The following CEP112 variants were observed in gnomAD, a reference collection of about 807,000 sequenced individuals.
CEP112 encodes centrosomal protein 112, also known as centrosomal protein of 112 kDa.
A neutral mutation model predicts 153.0 loss-of-function variants in CEP112; 127 were observed. The observed-to-expected ratio is 0.83, with a 90% CI of 0.72 to 0.96. The LOEUF is 0.96. Ranked by LOEUF, CEP112 falls within the 40% of genes least tolerant of loss-of-function variation. The pLI is 0.00. For synonymous variants in CEP112, 358 were observed against 374.4 expected, an observed-to-expected ratio of 0.96 and a Z score of 0.51; for missense variants, 1,089 against 1,101.2, an observed-to-expected ratio of 0.99 and a Z score of 0.16.
At chr17:65,797,660 T>C (rs1315656622) in intron 21 of CEP112, among the ~76,000 whole-genome samples, 2 of 152,226 alleles carry the variant, frequency 1.3e-5, no homozygotes, top group African/African-American at 2.4e-5. Context: ...AGTAGCTTCA[T>C]ACCACACACC....
At chr17:66,016,347 C>G (rs1212135328) in intron 16 of CEP112, among the ~76,000 whole-genome samples, 1 of 152,134 alleles carries the variant, frequency 6.6e-6, no homozygotes. Flanking sequence ...ATATTCAGAA[C>G]ACCATTCAGT....
chr17:65,655,673 T>C (rs1788865209), intron 24 of CEP112, among the ~76,000 whole-genome samples: 1 of 152,176 alleles, frequency 6.6e-6, no homozygotes, highest in Admixed American at 6.5e-5. Flanking sequence ...ATTTTAGTTA[T>C]GTAAAAGACT....
chr17:66,083,276 C>A (rs568061407), intron 8 of CEP112, among the ~76,000 whole-genome samples: 2 of 152,148 alleles, frequency 1.3e-5, no homozygotes, highest in Non-Finnish European at 2.9e-5. Context: ...CTCTTGCCTG[C>A]CACCATGTAA....
intron 25 of CEP112, among the ~76,000 whole-genome samples, chr17:65,640,728 A>G (rs892202901): frequency 2.6e-5 from 4 of 152,272 alleles, no homozygotes; most frequent in African/African-American, 7.2e-5. Flanking sequence ...AATTGAAGTT[A>G]TAACTGACTG....
intron 20 of CEP112, among the ~76,000 whole-genome samples, chr17:65,887,660 A>G (rs571875988): frequency 2.6e-5 from 4 of 152,286 alleles, no homozygotes; most frequent in African/African-American, 7.2e-5. Context: ...GGAGAGAGAT[A>G]ATATTCTCAC....
intron 26 of CEP112, among the ~76,000 whole-genome samples, chr17:65,636,433 T>C (rs1189293203): frequency 6.6e-6 from 1 of 152,122 alleles, no homozygotes; most frequent in Non-Finnish European, 1.5e-5. Context: ...GGAAAGGACT[T>C]TGAAGATGTG....
chr17:65,678,112 C>A (rs1267950569), intron 24 of CEP112, among the ~76,000 whole-genome samples: 2 of 152,128 alleles, frequency 1.3e-5, no homozygotes, highest in African/African-American at 4.8e-5. Flanking sequence ...AATCAGTAGT[C>A]ATCAAACATT....
chr17:65,708,423 A>G (rs76209543), intron 23 of CEP112, among the ~76,000 whole-genome samples: 2,900 of 152,330 alleles, frequency 0.019, 101 homozygotes, highest in African/African-American at 0.064. Context: ...AAGCATTAAG[A>G]GGGAAAAAGA....
intron 4 of CEP112, among the ~76,000 whole-genome samples, chr17:66,174,458 T>C (rs1048125256): frequency 3.3e-5 from 5 of 152,192 alleles, no homozygotes; most frequent in Non-Finnish European, 5.9e-5. Context: ...TACATGGTAA[T>C]TGACACTGTC....
At chr17:66,019,736 A>G (rs1210506561) in intron 16 of CEP112, among the ~76,000 whole-genome samples, 3 of 152,218 alleles carry the variant, frequency 2.0e-5, no homozygotes, top group African/African-American at 7.2e-5. Flanking sequence ...ATGGAAAGGG[A>G]ATCACTGTAG....
At chr17:66,111,526 A>G (rs1203688008) in intron 6 of CEP112, among the ~76,000 whole-genome samples, 3 of 152,222 alleles carry the variant, frequency 2.0e-5, no homozygotes, top group African/African-American at 7.2e-5. Context: ...CAGTGATAAA[A>G]AAGGATGAGA....
chr17:65,714,580 G>A (rs117626849), intron 23 of CEP112, among the ~76,000 whole-genome samples: 2 of 152,154 alleles, frequency 1.3e-5, no homozygotes, highest in East Asian at 1.9e-4. Flanking sequence ...TGACTTTGCC[G>A]TCTTCATTCA....
rs1568401848 is a variant in CEP112 at position 66,029,215 on chromosome 17, T to G, written c.1411A>C (p.Asn471His). ...AGTTTCATGTTTTGCTCATAATCAT[T>G]TACAAGATGGTCCTTCTCTTTATGC... ...TLHKEKDHLV[N>H]DYEQNMKLLQ... Residue 471 changes from asparagine to histidine, a missense_variant, in exon 14 of 27, where the codon AAT (asparagine) becomes CAT (histidine). By Grantham distance (68) the Asn-to-His change is moderately conservative. Transcript: ENST00000535342. 14 of 1,611,666 alleles carry G rather than the reference T, an allele frequency of 8.7e-6. No individual in the cohort carries two copies. Among genetic ancestry groups the G allele is most frequent in the Non-Finnish European group, 1.0e-5 (12 of 1,178,272 alleles).
At chr17:65,952,584 T>C (rs1161485261) in intron 18 of CEP112, among the ~76,000 whole-genome samples, 2 of 152,166 alleles carry the variant, frequency 1.3e-5, no homozygotes, top group African/African-American at 2.4e-5. Flanking sequence ...ATTTGTGCAA[T>C]AGTCTTTGTC....
rs181437887 is a variant in CEP112, at chr17:66,038,511, C to T, written c.1219-8488G>A. ...ACATTTGCCAAATTAATTTTTTAAACGGAATAAAAGAGCTGAGAGGATGCA... is the reference window on the plus strand; with the variant it reads ...ACATTTGCCAAATTAATTTTTTAAATGGAATAAAAGAGCTGAGAGGATGCA... On this transcript the variant is annotated intron_variant, in intron 12 of 26. Transcript: ENST00000535342. 8.7e-4 allele frequency among the ~76,000 whole-genome samples: 132 copies of T among 152,068 alleles called. 3 individuals are homozygous for T. The South Asian group carries it at 8.7e-3, about 10-fold the overall frequency.
intron 21 of CEP112, among the ~76,000 whole-genome samples, chr17:65,836,883 G>A (rs932562388): frequency 2.3e-5 from 3 of 132,670 alleles, no homozygotes; most frequent in Non-Finnish European, 4.6e-5. Flanking sequence ...CCGCCATCTC[G>A]GCTCACTGCA....
rs1169042919 is a variant in CEP112 at position 66,096,599 on chromosome 17, T to C, written c.676A>G (p.Ile226Val). 1 of 1,594,746 alleles carries C rather than the reference T, an allele frequency of 6.3e-7. No homozygotes were observed. Among genetic ancestry groups the C allele is most frequent in the East Asian group, 2.2e-5 (1 of 44,672 alleles). The change falls in exon 7 of 27, where the codon ATC becomes GTC. Residue 226 changes from isoleucine to valine, a missense_variant. By Grantham distance (29) the Ile-to-Val change is conservative. Transcript: ENST00000535342. ...ENPRYLRQKP[I>V]PVSLMTPKFS... ...TTCTCACATACCAGAGAAACTGGGA[T>C]AGGCTTCTGTCTCAGGTATCGAGGA...
intron 6 of CEP112, among the ~76,000 whole-genome samples, chr17:66,129,106 A>G (rs1568524192): frequency 6.6e-6 from 1 of 152,206 alleles, no homozygotes; most frequent in Non-Finnish European, 1.5e-5. Context: ...AAAAAAATGC[A>G]GGGCTCAATG....
At chr17:65,801,592 GT>G (rs2055281889) in intron 21 of CEP112, among the ~76,000 whole-genome samples, 1 of 152,034 alleles carries the variant, frequency 6.6e-6, no homozygotes, top group Non-Finnish European at 1.5e-5. Context: ...AATTATCTCG[GT>G]TTGTGTTTAT....
Sources: gnomAD v4.1 joint callset for allele counts (sites outside exome capture counted in the v4.1 genomes callset) on GRCh38, gnomAD v4.1.1 for gene constraint, MANE v1.5 for transcripts, NCBI Gene and HGNC (gene_info 2026-07-23, HGNC 2026-07-21) for gene names.